DOCK7: variants seen among roughly 807,000 people sequenced by gnomAD.
DOCK7 encodes the protein dedicator of cytokinesis 7, also known as dedicator of cytokinesis protein 7.
Under a neutral mutation model 271.0 loss-of-function variants are expected in DOCK7, and 138 were observed. That is an observed-to-expected ratio of 0.51 (90% CI 0.44 to 0.59). DOCK7 has a LOEUF of 0.59. Among genes scored for constraint, DOCK7 ranks in the 20% least tolerant of loss-of-function variants. The probability of loss-of-function intolerance (pLI) is 0.00; values close to 1 mark genes in which losing one functional copy is unlikely to be tolerated. For missense variants in DOCK7, 2,066 were observed against 2,592.4 expected, an observed-to-expected ratio of 0.80 and a Z score of 4.41; for synonymous variants, 823 against 876.1, an observed-to-expected ratio of 0.94 and a Z score of 1.07.
chr1:62,472,031 G>A (rs1645844396), intron 48 of DOCK7, among the ~76,000 whole-genome samples: 1 of 151,160 alleles, frequency 6.6e-6, no homozygotes, highest in Non-Finnish European at 1.5e-5. Context: ...AAAAAATGTA[G>A]TATTGGCTAT....
intron 7 of DOCK7, among the ~76,000 whole-genome samples, chr1:62,639,582 A>G (rs6657050): frequency 0.42 from 63,477 of 151,010 alleles, 15,095 homozygotes; most frequent in African/African-American, 0.66. Context: ...TTACAGGCGC[A>G]TGCCACCACA....
chr1:62,646,122 G>A (rs1656618337), intron 7 of DOCK7, among the ~76,000 whole-genome samples: 1 of 149,522 alleles, frequency 6.7e-6, no homozygotes, highest in Non-Finnish European at 1.5e-5. Context: ...ACTCCAGCCT[G>A]GGCAACATGG....
At chr1:62,500,101 T>A (rs1455203497) in intron 37 of DOCK7, among the ~76,000 whole-genome samples, 1 of 152,142 alleles carries the variant, frequency 6.6e-6, no homozygotes, top group Non-Finnish European at 1.5e-5. Flanking sequence ...ACCCAGCTTA[T>A]CCTATGTTGA....
intron 16 of DOCK7, among the ~76,000 whole-genome samples, chr1:62,579,680 T>G: frequency 8.5e-6 from 1 of 118,116 alleles, no homozygotes; most frequent in Non-Finnish European, 1.6e-5. Flanking sequence ...CTGGCCTAGG[T>G]GACAGAGTGA....
chr1:62,671,958 A>G (rs896540738), intron 1 of DOCK7, among the ~76,000 whole-genome samples: 12 of 65,166 alleles, frequency 1.8e-4, no homozygotes, highest in African/African-American at 4.6e-4. Context: ...GATTTTCCAA[A>G]ATGAAGACAA....
At chr1:62,462,785 G>A (rs907079026) in intron 48 of DOCK7, among the ~76,000 whole-genome samples, 3 of 151,586 alleles carry the variant, frequency 2.0e-5, no homozygotes, top group African/African-American at 7.3e-5. Context: ...TTTTTTTTAA[G>A]AGATAGGGTC....
At chr1:62,625,430 T>C in intron 11 of DOCK7, 29 bp from the exon 12 acceptor site, 2 of 1,567,626 alleles carry the variant, frequency 1.3e-6, no homozygotes, top group Non-Finnish European at 1.7e-6. Context: ...AAAAATTCAT[T>C]TTCATAGAAG....
At chr1:62,678,300 A>G (rs1414970832) in intron 1 of DOCK7, among the ~76,000 whole-genome samples, 1 of 152,248 alleles carries the variant, frequency 6.6e-6, no homozygotes, top group African/African-American at 2.4e-5. Flanking sequence ...AAGAAACAAA[A>G]AAAATAATGA....
chr1:62,668,740 A>G (rs1257494575), intron 1 of DOCK7, among the ~76,000 whole-genome samples: 1 of 152,058 alleles, frequency 6.6e-6, no homozygotes, highest in Non-Finnish European at 1.5e-5. Flanking sequence ...TAAAAATACA[A>G]AAAATTAGCC....
At position 62,572,904 on chromosome 1, in the gene DOCK7, G is replaced by A. The variant is rs575243184; in HGVS notation, c.2112+4358C>T. Among the ~76,000 whole-genome samples the A allele has an allele frequency of 1.1e-3, 169 of 152,148 alleles. 3 individuals carry two copies. Among genetic ancestry groups the A allele is most frequent in the African/African-American group, 3.6e-3 (151 of 41,498 alleles). On this transcript the variant is annotated intron_variant, in intron 18 of 49. Coordinates refer to ENST00000635253, the MANE Select transcript of DOCK7 (RefSeq NM_001367561.1). Reference sequence around the variant, plus strand: ...CCTTAGAAGATTATGCTCTATTGCCGTTCAAAAGCATATAGATTTTTAAAA... The same window carrying A: ...CCTTAGAAGATTATGCTCTATTGCCATTCAAAAGCATATAGATTTTTAAAA...
At chr1:62,486,898 A>G (rs999504380) in intron 43 of DOCK7, 7 of 152,140 alleles carry the variant, frequency 4.6e-5, no homozygotes, top group African/African-American at 1.7e-4. Flanking sequence ...TTCAACTAAT[A>G]GGATATCCTG....
chr1:62,553,330 A>T (rs1376772693), intron 21 of DOCK7, among the ~76,000 whole-genome samples: 1 of 3,632 alleles, frequency 2.8e-4, no homozygotes, highest in Non-Finnish European at 4.9e-4. Context: ...ATATATATAT[A>T]TATATATATA....
At chr1:62,602,457 AT>A in intron 14 of DOCK7, 1 of 1,313,934 alleles carries the variant, frequency 7.6e-7, no homozygotes, top group Non-Finnish European at 1.1e-6. Flanking sequence ...TGGACCAGGT[AT>A]TAGGAAAAGT....
intron 7 of DOCK7, among the ~76,000 whole-genome samples, chr1:62,639,851 T>G (rs1439913625): frequency 6.6e-6 from 1 of 151,540 alleles, no homozygotes; most frequent in Admixed American, 6.6e-5. Context: ...AGCTCTACTT[T>G]AAGTAGACAA....
chr1:62,603,955 ACTTTT>A (rs1378758042), intron 14 of DOCK7: 5 of 1,611,734 alleles, frequency 3.1e-6, no homozygotes, highest in East Asian at 2.2e-5. Flanking sequence ...GATTTTTAAA[ACTTTT>A]CTTTTCAGGA....
intron 29 of DOCK7, among the ~76,000 whole-genome samples, chr1:62,532,101 G>A (rs1645192631): frequency 6.6e-6 from 1 of 152,162 alleles, no homozygotes; most frequent in Non-Finnish European, 1.5e-5. Flanking sequence ...GTGGCGTGAT[G>A]TTGGCTCACT....
chr1:62,667,653 G>C (rs552213057), intron 1 of DOCK7, among the ~76,000 whole-genome samples: 1 of 152,198 alleles, frequency 6.6e-6, no homozygotes, highest in Admixed American at 6.5e-5. Flanking sequence ...AGGTGGAGAG[G>C]TTGCAGTGAG....
intron 2 of DOCK7, among the ~76,000 whole-genome samples, chr1:62,661,142 A>G (rs1401180255): frequency 6.6e-6 from 1 of 152,164 alleles, no homozygotes; most frequent in Non-Finnish European, 1.5e-5. Context: ...ATAAACCTTT[A>G]AAACATTCTG....
intron 18 of DOCK7, among the ~76,000 whole-genome samples, chr1:62,568,877 C>G (rs71433763): frequency 1.5e-4 from 23 of 150,684 alleles, no homozygotes; most frequent in African/African-American, 5.1e-4. Flanking sequence ...AGAGAAGAAT[C>G]AAATAGACAC....
Sources: allele counts gnomAD v4.1 joint callset (sites outside exome capture counted in the v4.1 genomes callset), GRCh38; gene constraint gnomAD v4.1.1; transcripts MANE v1.5; gene names NCBI Gene and HGNC (gene_info 2026-07-23, HGNC 2026-07-21).